Variants in STON2 observed in about 807,000 individuals in gnomAD.
STON2 encodes the protein stonin 2.
Under a neutral mutation model 65.7 loss-of-function variants are expected in STON2, and 29 were observed. The ratio of observed to expected loss-of-function variants is 0.44; its 90% CI spans 0.33 to 0.60. STON2 has a LOEUF of 0.60. Among genes scored for constraint, STON2 ranks in the 20% least tolerant of loss-of-function variants. The pLI is 0.03. For synonymous variants in STON2, 404 were observed against 414.2 expected (o/e 0.98, Z 0.30); for missense variants, 1,054 against 1,118.1 (o/e 0.94, Z 0.82).
chr14:81,328,207 G>C lies in STON2; in HGVS notation c.572-4020C>G, dbSNP rs533848907. 2.0e-5 allele frequency among the ~76,000 whole-genome samples: 3 copies of C among 152,238 alleles called. No homozygotes were observed. The South Asian group carries it at 6.2e-4, about 32-fold the overall frequency. On this transcript the variant is annotated intron_variant, in intron 4 of 7. Coordinates refer to ENST00000614646, the MANE Select transcript of STON2 (RefSeq NM_001394390.1). ...AAGTGAGTAACTTCAGGGATGATTGGCTTTACTTTGTCTCAAGCTGATGGT... is the reference window on the plus strand; with the variant it reads ...AAGTGAGTAACTTCAGGGATGATTGCCTTTACTTTGTCTCAAGCTGATGGT...
chr14:81,373,777 A>G (rs1307938590), intron 3 of STON2, among the ~76,000 whole-genome samples: 1 of 152,136 alleles, frequency 6.6e-6, no homozygotes, highest in Non-Finnish European at 1.5e-5. Flanking sequence ...AATAACCTCC[A>G]CCCTTAGCTG....
At chr14:81,290,721 A>C (rs978324327) in intron 5 of STON2, among the ~76,000 whole-genome samples, 21 of 152,316 alleles carry the variant, frequency 1.4e-4, no homozygotes, top group Admixed American at 1.1e-3. Context: ...AATGACACTG[A>C]CAACAAAATA....
At chr14:81,428,714 C>T (rs558826027) in intron 1 of STON2, among the ~76,000 whole-genome samples, 1 of 152,198 alleles carries the variant, frequency 6.6e-6, no homozygotes, top group South Asian at 2.1e-4. Context: ...CACAATGATA[C>T]TCTGTCTCAA....
chr14:81,357,356 T>C (rs1024418358), intron 4 of STON2, among the ~76,000 whole-genome samples: 3 of 152,146 alleles, frequency 2.0e-5, no homozygotes, highest in African/African-American at 4.8e-5. Flanking sequence ...TGAGAAATCA[T>C]CTCACACCAA....
Position 81,412,803 on chromosome 14 carries a change from G to GTT in STON2, c.-198-14224_-198-14223insAA, listed in dbSNP as rs1445761660. The stretch of plus-strand genomic sequence containing the variant: ...ACGCGCAAAGCAGTCTTCGCAAAGG[G>GTT]GAAAATATGATTGCTTTGTGACCTT... On this transcript the variant is annotated intron_variant, in intron 2 of 8. Coordinates refer to the STON2 transcript ENST00000553821. Among the ~76,000 whole-genome samples the GTT allele has an allele frequency of 1.4e-5, 2 of 139,686 alleles. 1 individual carries two copies. Among genetic ancestry groups the GTT allele is most frequent in the African/African-American group, 5.9e-5 (2 of 34,012 alleles). 91.6% of individuals were successfully genotyped at this position (139,686 alleles called of 152,430 possible).
At chr14:81,328,192 C>A (rs1414631981) in intron 4 of STON2, among the ~76,000 whole-genome samples, 1 of 152,140 alleles carries the variant, frequency 6.6e-6, no homozygotes. Context: ...AAGTGAGTAA[C>A]TTCAGGGATG....
intron 3 of STON2, among the ~76,000 whole-genome samples, chr14:81,374,646 G>A (rs1424275063): frequency 6.6e-6 from 1 of 151,986 alleles, no homozygotes; most frequent in Admixed American, 6.6e-5. Context: ...TAAACTTCCA[G>A]AGAAGAAAAA....
intron 3 of STON2, among the ~76,000 whole-genome samples, chr14:81,377,858 T>G (rs183409992): frequency 2.6e-5 from 4 of 152,214 alleles, no homozygotes; most frequent in East Asian, 3.9e-4. Flanking sequence ...TTTGTTTTTT[T>G]TTTTGGAAGA....
At chr14:81,298,953 C>T (rs1465609581) in intron 5 of STON2, among the ~76,000 whole-genome samples, 1 of 152,108 alleles carries the variant, frequency 6.6e-6, no homozygotes, top group Non-Finnish European at 1.5e-5. Context: ...TTAGAAAATA[C>T]AGACAAGAGA....
In STON2 at chr14:81,357,013, C is replaced by T. The variant is rs1898268365; in HGVS notation, c.571+13975G>A. 3.9e-5 allele frequency among the ~76,000 whole-genome samples: 6 copies of T among 152,060 alleles called. No individual in the cohort carries two copies. The South Asian group carries it at 1.2e-3, about 32-fold the overall frequency. On this transcript the variant is annotated intron_variant, in intron 4 of 7. Coordinates refer to ENST00000614646, the MANE Select transcript of STON2 (RefSeq NM_001394390.1). ...GGGCAAGGACTTCATGTCTAAAACA[C>T]CAAAAGCAATGGCAACAAAAGCTAA... is the stretch of plus-strand genomic sequence containing the variant.
rs573499477 is a variant in STON2 at position 81,353,037 on chromosome 14, G to A, written c.571+17951C>T. 3.3e-5 allele frequency among the ~76,000 whole-genome samples: 5 copies of A among 152,256 alleles called. No individual in the cohort carries two copies. In the South Asian group the frequency reaches 8.3e-4, roughly 25 times the overall value. On this transcript the variant is annotated intron_variant, in intron 4 of 7. Transcript: ENST00000614646. ...AATATGGCTATTTTGGTCAAAGAAT[G>A]TATAGGACAGTAATATTCTCAAATA...
intron 3 of STON2, among the ~76,000 whole-genome samples, chr14:81,372,377 A>C (rs566531834): frequency 4.7e-4 from 72 of 152,040 alleles, no homozygotes; most frequent in African/African-American, 1.7e-3. Context: ...ATATGGCAAA[A>C]CCCCGTCTCT....
chr14:81,343,812 C>A (rs1050959921), intron 4 of STON2, among the ~76,000 whole-genome samples: 93 of 152,140 alleles, frequency 6.1e-4, no homozygotes, highest in Non-Finnish European at 2.1e-4. Context: ...ACCTGCAGCT[C>A]AGTATTGTCA....
Position 81,278,682 on chromosome 14 carries a change from T to C in STON2, c.800A>G (p.Gln267Arg). ...CCCATTCATGGCTGGACTGCTGGCC[T>C]GCCAGCTGATGGCCTCCATCTCTAC... ...EEVEMEAISW[Q>R]ASSPAMNGHP... Residue 267 changes from glutamine (Q) to arginine (R), a missense_variant, in exon 6 of 8, where the codon CAG becomes CGG. Gln to Arg is a conservative substitution (Grantham distance 43). Transcript: ENST00000614646. 1 of 1,525,416 alleles carries C rather than the reference T, an allele frequency of 6.6e-7. No homozygotes were observed. Among genetic ancestry groups the C allele is most frequent in the Non-Finnish European group, 8.8e-7 (1 of 1,138,994 alleles). 94.5% of individuals were successfully genotyped at this position (1,525,416 alleles called of 1,614,324 possible).
At chr14:81,345,477 C>A (rs1897775678) in intron 4 of STON2, among the ~76,000 whole-genome samples, 1 of 152,122 alleles carries the variant, frequency 6.6e-6, no homozygotes, top group Non-Finnish European at 1.5e-5. Flanking sequence ...GACTTCCGGA[C>A]ACAGAATTGT....
chr14:81,262,329 C>T lies in STON2; in HGVS notation c.*6085G>A. On this transcript the variant is annotated 3_prime_UTR_variant, in exon 8 of 8. Transcript: ENST00000614646. ...AATCCTCAATGTCCTCGTGTCTAGC[C>T]TTTCCTCCCTTTAGGGAAGCTGGCT... The T allele has an allele frequency of 5.1e-6, 5 of 985,464 alleles. No individual in the cohort carries two copies. The highest frequency in any genetic ancestry group is 6.0e-6 in the Non-Finnish European group (5 of 829,934). 61.0% of individuals were successfully genotyped at this position (985,464 alleles called of 1,614,324 possible). A position where few individuals can be genotyped will look rare whatever the true frequency, so the allele number is the denominator to read the frequency against.
intron 5 of STON2, among the ~76,000 whole-genome samples, chr14:81,287,209 T>C (rs565888649): frequency 2.0e-5 from 3 of 152,280 alleles, no homozygotes; most frequent in East Asian, 3.9e-4. Flanking sequence ...TACTTAGTCA[T>C]AACAAAATAC....
rs758240960 is a variant in STON2 at position 81,278,258 on chromosome 14, C to T, written c.1224G>A (p.Thr408=). The change falls in exon 6 of 8, where the codon ACG becomes ACA. Residue 408 remains threonine, a synonymous_variant. Coordinates refer to ENST00000614646, the MANE Select transcript of STON2 (RefSeq NM_001394390.1). The part of the protein sequence containing the change: ...RSQNSSISST[T]GKSQRDSLIV... ...TGAGGGAATCTCTTTGGCTTTTGCC[C>T]GTGGTACTGGAAATGGAACTGTTTT... 8.1e-6 allele frequency: 13 copies of T among 1,614,096 alleles called. No homozygotes were observed. Among genetic ancestry groups the T allele is most frequent in the East Asian group, 2.2e-5 (1 of 44,860 alleles).
In STON2 at chr14:81,263,818, A is replaced by C; in HGVS notation, c.*4596T>G. 3 of 985,384 alleles carry C rather than the reference A, an allele frequency of 3.0e-6. No homozygotes were observed. The highest frequency in any genetic ancestry group is 3.6e-6 in the Non-Finnish European group (3 of 829,930). The allele number at this position is 985,384 out of a possible 1,614,324, so 61.0% of individuals were successfully genotyped here. ...TAGTGCTTCCTACTTAAACCAATTT[A>C]ATATTCCCAAGGCTTTTAAGAAAAA... On this transcript the variant is annotated 3_prime_UTR_variant, in exon 8 of 8. Transcript: ENST00000614646.
Sources: allele counts gnomAD v4.1 joint callset (sites outside exome capture counted in the v4.1 genomes callset), GRCh38; gene constraint gnomAD v4.1.1; transcripts MANE v1.5; gene names NCBI Gene and HGNC (gene_info 2026-07-23, HGNC 2026-07-21).